LHFPL6: variants seen among roughly 807,000 people sequenced by gnomAD.
The protein encoded by LHFPL6 is LHFPL tetraspan subfamily member 6.
LHFPL6 carries 9 observed loss-of-function variants against 20.6 expected under a neutral mutation model. That is an observed-to-expected ratio of 0.44 (90% CI 0.26 to 0.76). The LOEUF (loss-of-function observed/expected upper bound fraction) is 0.76, where lower values mean the gene tolerates loss of function less well. Ranked by LOEUF, LHFPL6 falls within the 30% of genes least tolerant of loss-of-function variation. The pLI is 0.20. For missense variants in LHFPL6, 218 were observed against 253.5 expected (o/e 0.86, Z 0.95); for synonymous variants, 105 against 98.7 (o/e 1.06, Z -0.38).
intron 2 of LHFPL6, among the ~76,000 whole-genome samples, chr13:39,447,248 A>G (rs1872314794): frequency 6.6e-6 from 1 of 152,224 alleles, no homozygotes; most frequent in South Asian, 2.1e-4. Flanking sequence ...GTGCCCATTT[A>G]GTACAGTGCA....
intron 2 of LHFPL6, among the ~76,000 whole-genome samples, chr13:39,399,721 C>T (rs1386996668): frequency 6.6e-6 from 1 of 152,192 alleles, no homozygotes; most frequent in Non-Finnish European, 1.5e-5. Flanking sequence ...AAGATAAATT[C>T]TGGCATCATC....
At chr13:39,436,426 TATATC>T (rs1871958787) in intron 2 of LHFPL6, among the ~76,000 whole-genome samples, 1 of 152,186 alleles carries the variant, frequency 6.6e-6, no homozygotes, top group South Asian at 2.1e-4. Context: ...ATAACTGAAT[TATATC>T]ATACATGACA....
chr13:39,391,571 G>T (rs764784747), intron 2 of LHFPL6, among the ~76,000 whole-genome samples: 37 of 151,960 alleles, frequency 2.4e-4, no homozygotes, highest in Admixed American at 5.9e-4. Context: ...ATTTTTAATA[G>T]AATATATAAG....
At chr13:39,541,972 C>A (rs1193679071) in intron 2 of LHFPL6, among the ~76,000 whole-genome samples, 1 of 151,760 alleles carries the variant, frequency 6.6e-6, no homozygotes, top group South Asian at 2.1e-4. Context: ...GCACCTGTAG[C>A]CCCAGCTACT....
At chr13:39,403,663 A>T (rs1871044878) in intron 2 of LHFPL6, among the ~76,000 whole-genome samples, 1 of 152,226 alleles carries the variant, frequency 6.6e-6, no homozygotes, top group Admixed American at 6.5e-5. Flanking sequence ...GCCAATAAAC[A>T]TCAACATTAG....
chr13:39,371,681 G>T (rs1190047135), intron 3 of LHFPL6, among the ~76,000 whole-genome samples: 1 of 152,180 alleles, frequency 6.6e-6, no homozygotes, highest in Non-Finnish European at 1.5e-5. Context: ...AGAAAGAAAA[G>T]ACTAAAATGC....
intron 2 of LHFPL6, among the ~76,000 whole-genome samples, chr13:39,503,741 T>C (rs1869375241): frequency 6.6e-6 from 1 of 152,218 alleles, no homozygotes. Context: ...TCCAATTCTA[T>C]TCAAATTTAC....
chr13:39,471,671 C>A (rs1872951185), intron 2 of LHFPL6, among the ~76,000 whole-genome samples: 1 of 152,184 alleles, frequency 6.6e-6, no homozygotes, highest in Non-Finnish European at 1.5e-5. Context: ...TTTATGTTAT[C>A]CATTGGTACT....
intron 2 of LHFPL6, among the ~76,000 whole-genome samples, chr13:39,593,719 T>A (rs1872682066): frequency 6.6e-6 from 1 of 151,876 alleles, no homozygotes; most frequent in African/African-American, 2.4e-5. Flanking sequence ...CAAACTATAC[T>A]ACAAGGCTAC....
At chr13:39,483,415 C>T (rs1400894903) in intron 2 of LHFPL6, among the ~76,000 whole-genome samples, 6 of 151,114 alleles carry the variant, frequency 4.0e-5, no homozygotes, top group Non-Finnish European at 8.8e-5. Context: ...TCAAGTCTAA[C>T]ATAAAAATGT....
chr13:39,547,246 T>C (rs1433828585), intron 2 of LHFPL6, among the ~76,000 whole-genome samples: 1 of 152,134 alleles, frequency 6.6e-6, no homozygotes, highest in Non-Finnish European at 1.5e-5. Flanking sequence ...TCTCCCAAGA[T>C]AGAGTTACAG....
chr13:39,432,508 C>G (rs984560323), intron 2 of LHFPL6, among the ~76,000 whole-genome samples: 5 of 152,234 alleles, frequency 3.3e-5, no homozygotes, highest in South Asian at 2.1e-4. Context: ...CTCTCCCTTC[C>G]TCTGCAGGGT....
chr13:39,351,302 G>C lies in LHFPL6; in HGVS notation c.485-7248C>G, dbSNP rs539807251. On this transcript the variant is annotated intron_variant, in intron 3 of 3. Coordinates refer to ENST00000379589, the MANE Select transcript of LHFPL6 (RefSeq NM_005780.3). ...TTAATCATTTTTGTCTAGGATCCTT[G>C]ATCTGTTTATACTTTCCAACATTAT... Among the ~76,000 whole-genome samples, 8 of 152,236 alleles carry C rather than the reference G, an allele frequency of 5.3e-5. No individual in the cohort carries two copies. The East Asian group carries it at 1.5e-3, about 29-fold the overall frequency.
chr13:39,461,213 A>C (rs1872680756), intron 2 of LHFPL6, among the ~76,000 whole-genome samples: 1 of 152,182 alleles, frequency 6.6e-6, no homozygotes, highest in Admixed American at 6.5e-5. Context: ...TATATGTACC[A>C]CACTTTCTTT....
In LHFPL6 at chr13:39,343,104, C is replaced by G. The variant is rs977920914; in HGVS notation, c.*832G>C. 3 of 202,612 alleles carry G rather than the reference C, an allele frequency of 1.5e-5. No individual in the cohort carries two copies. Among genetic ancestry groups the G allele is most frequent in the African/African-American group, 2.3e-5 (1 of 43,644 alleles). The allele number at this position is 202,612 out of a possible 1,614,324, so 12.6% of individuals were successfully genotyped here. On this transcript the variant is annotated 3_prime_UTR_variant, in exon 4 of 4. Transcript: ENST00000379589. ...TCCTATAGTGGACAGAAAGTTGCCCCTTTTCTTCATAAGAATATCATAGCA... is the reference window on the plus strand; with the variant it reads ...TCCTATAGTGGACAGAAAGTTGCCCGTTTTCTTCATAAGAATATCATAGCA...
intron 2 of LHFPL6, among the ~76,000 whole-genome samples, chr13:39,455,650 C>T (rs1480736349): frequency 6.6e-6 from 1 of 152,176 alleles, no homozygotes; most frequent in Non-Finnish European, 1.5e-5. Context: ...TTTTATTTCA[C>T]TTGGGAACAA....
chr13:39,551,867 C>A (rs551919620), intron 2 of LHFPL6, among the ~76,000 whole-genome samples: 5 of 136,922 alleles, frequency 3.7e-5, no homozygotes, highest in African/African-American at 1.2e-4. Context: ...AAAGAATGTG[C>A]TTAAAACAGG....
At chr13:39,417,784 C>CA (rs934444551) in intron 2 of LHFPL6, among the ~76,000 whole-genome samples, 4 of 152,174 alleles carry the variant, frequency 2.6e-5, no homozygotes, top group Non-Finnish European at 4.4e-5. Flanking sequence ...GGCTGCATTC[C>CA]AATTGACTGG....
intron 2 of LHFPL6, among the ~76,000 whole-genome samples, chr13:39,382,679 C>T (rs551632010): frequency 1.8e-4 from 27 of 152,166 alleles, no homozygotes; most frequent in African/African-American, 5.8e-4. Context: ...TGAGCCACTG[C>T]GCCCAGCCAC....
Sources: allele counts gnomAD v4.1 joint callset (sites outside exome capture counted in the v4.1 genomes callset), GRCh38; gene constraint gnomAD v4.1.1; transcripts MANE v1.5; gene names NCBI Gene and HGNC (gene_info 2026-07-23, HGNC 2026-07-21).